PLPP1: variants seen among roughly 807,000 people sequenced by gnomAD.
PLPP1 encodes lipid phosphate phosphohydrolase 1a.
PLPP1 carries 24 observed loss-of-function variants against 31.2 expected under a neutral mutation model. The observed-to-expected ratio is 0.77, with a 90% CI of 0.56 to 1.08. PLPP1 has a LOEUF of 1.08. Ranked by LOEUF, PLPP1 falls within the 50% of genes least tolerant of loss-of-function variation. The pLI is 0.00. For missense variants in PLPP1, 319 were observed against 342.7 expected (o/e 0.93, Z 0.55); for synonymous variants, 146 against 126.3 (o/e 1.16, Z -1.05).
intron 3 of PLPP1, among the ~76,000 whole-genome samples, chr5:55,445,500 G>A (rs550401560): frequency 3.6e-5 from 5 of 139,480 alleles, no homozygotes; most frequent in Admixed American, 3.6e-4. Flanking sequence ...ATCTTTAGCT[G>A]TTTTCATTTG....
intron 1 of PLPP1, among the ~76,000 whole-genome samples, chr5:55,500,729 T>C (rs899885654): frequency 2.6e-5 from 4 of 152,030 alleles, no homozygotes; most frequent in Admixed American, 6.6e-5. Flanking sequence ...GAAGACAGAA[T>C]AGACGGCAAG....
intron 3 of PLPP1, among the ~76,000 whole-genome samples, chr5:55,455,792 G>A (rs1167141363): frequency 3.9e-5 from 6 of 152,208 alleles, no homozygotes; most frequent in Non-Finnish European, 7.3e-5. Flanking sequence ...ATCAAGAGCA[G>A]CATCTGAAAC....
At chr5:55,491,353 A>G (rs1007431054) in intron 1 of PLPP1, among the ~76,000 whole-genome samples, 1 of 152,218 alleles carries the variant, frequency 6.6e-6, no homozygotes, top group Non-Finnish European at 1.5e-5. Context: ...GATTTTAGAA[A>G]TAAACAATAA....
rs560445486 is a variant in PLPP1, at chr5:55,516,260, T to C, written c.58+18312A>G. ...CTTTAGTCTCACTGCCTGCCTCACT[T>C]GGACTGTTACAGCAGCTTCCTAACT... On this transcript the variant is annotated intron_variant, in intron 1 of 5. Transcript: ENST00000307259. 1.6e-4 allele frequency among the ~76,000 whole-genome samples: 24 copies of C among 152,272 alleles called. 1 individual carries two copies. The highest frequency in any genetic ancestry group is 5.8e-4 in the African/African-American group (24 of 41,554).
intron 3 of PLPP1, among the ~76,000 whole-genome samples, chr5:55,459,002 T>C (rs1027675930): frequency 4.6e-5 from 7 of 150,654 alleles, no homozygotes; most frequent in Non-Finnish European, 8.8e-5. Context: ...TCAGTCTGGA[T>C]TAAAAAGAAT....
chr5:55,471,025 T>C (rs1752402004), intron 2 of PLPP1, among the ~76,000 whole-genome samples: 2 of 152,188 alleles, frequency 1.3e-5, no homozygotes, highest in Admixed American at 1.3e-4. Context: ...TATATGTTTC[T>C]ACACTGTCCC....
chr5:55,532,679 T>C (rs1277562340), intron 1 of PLPP1, among the ~76,000 whole-genome samples: 1 of 152,130 alleles, frequency 6.6e-6, no homozygotes, highest in East Asian at 1.9e-4. Flanking sequence ...CAGTGTTCAG[T>C]TGGGCGCGGT....
At chr5:55,435,438 G>C (rs1751469894) in intron 4 of PLPP1, among the ~76,000 whole-genome samples, 1 of 152,174 alleles carries the variant, frequency 6.6e-6, no homozygotes, top group Non-Finnish European at 1.5e-5. Flanking sequence ...GGATGCGGAA[G>C]AATCTCCAGT....
intron 3 of PLPP1, among the ~76,000 whole-genome samples, chr5:55,448,968 C>T (rs1579930728): frequency 6.6e-6 from 1 of 152,128 alleles, no homozygotes. Context: ...AAATAGTTGT[C>T]CTACTGTATT....
At chr5:55,494,917 G>C (rs1181615014) in intron 1 of PLPP1, among the ~76,000 whole-genome samples, 1 of 148,736 alleles carries the variant, frequency 6.7e-6, no homozygotes, top group South Asian at 2.1e-4. Flanking sequence ...TCAGGAGTTC[G>C]AGACCAGCCT....
intron 1 of PLPP1, among the ~76,000 whole-genome samples, chr5:55,514,375 G>C (rs577010575): frequency 1.4e-5 from 2 of 139,022 alleles, no homozygotes; most frequent in Non-Finnish European, 3.1e-5. Flanking sequence ...AACAGAGTGA[G>C]GAAGACCTGG....
rs1041615074 is a variant in PLPP1, at chr5:55,534,496, T to C, written c.58+76A>G. The C allele has an allele frequency of 2.8e-5, 39 of 1,412,404 alleles. No homozygotes were observed. In the African/African-American group the frequency reaches 5.4e-4, roughly 20 times the overall value. 87.5% of individuals were successfully genotyped at this position (1,412,404 alleles called of 1,614,324 possible). A position where few individuals can be genotyped will look rare whatever the true frequency, so the allele number is the denominator to read the frequency against. On this transcript the variant is annotated intron_variant, in intron 1 of 5. Transcript: ENST00000307259. ...CACGCGTCAGGCAACACACCCCCGC[T>C]GCCCGTCGCGGCTCTGCGCTAAAGC...
intron 1 of PLPP1, among the ~76,000 whole-genome samples, chr5:55,480,821 T>A (rs114155176): frequency 1.5e-3 from 234 of 152,292 alleles, no homozygotes; most frequent in African/African-American, 5.5e-3. Flanking sequence ...GATTGCTAGG[T>A]CATATGGTAA....
At chr5:55,516,274 A>C (rs75107444) in intron 1 of PLPP1, among the ~76,000 whole-genome samples, 9,331 of 152,190 alleles carry the variant, frequency 0.061, 522 homozygotes, top group African/African-American at 0.13. Flanking sequence ...CTGTTACAGC[A>C]GCTTCCTAAC....
At chr5:55,510,200 A>G (rs1396639837) in intron 1 of PLPP1, among the ~76,000 whole-genome samples, 1 of 152,250 alleles carries the variant, frequency 6.6e-6, no homozygotes, top group Non-Finnish European at 1.5e-5. Context: ...AAAACTGTAC[A>G]GTAACATTTA....
intron 1 of PLPP1, among the ~76,000 whole-genome samples, chr5:55,523,188 A>C (rs933089020): frequency 3.5e-4 from 53 of 152,204 alleles, no homozygotes; most frequent in African/African-American, 1.3e-3. Context: ...CATCAGGGTA[A>C]ATGGGGTATC....
intron 3 of PLPP1, among the ~76,000 whole-genome samples, chr5:55,458,650 G>A (rs1752074135): frequency 6.6e-6 from 1 of 152,056 alleles, no homozygotes; most frequent in Non-Finnish European, 1.5e-5. Flanking sequence ...CATTTAGGGA[G>A]GCCAAGGTGG....
At chr5:55,449,507 C>A (rs1751848954) in intron 3 of PLPP1, among the ~76,000 whole-genome samples, 1 of 152,146 alleles carries the variant, frequency 6.6e-6, no homozygotes. Flanking sequence ...CTAAAAGTGC[C>A]ACTACTCCGA....
At chr5:55,469,703 G>T (rs755430769) in intron 2 of PLPP1, among the ~76,000 whole-genome samples, 3 of 152,110 alleles carry the variant, frequency 2.0e-5, no homozygotes, top group Non-Finnish European at 4.4e-5. Flanking sequence ...TGTCTTCAGA[G>T]TAAGTCTTAC....
Sources: gnomAD v4.1 joint callset for allele counts (sites outside exome capture counted in the v4.1 genomes callset) on GRCh38, gnomAD v4.1.1 for gene constraint, MANE v1.5 for transcripts, NCBI Gene and HGNC (gene_info 2026-07-23, HGNC 2026-07-21) for gene names.